The following TMEM71 variants were observed in gnomAD, a reference collection of about 807,000 sequenced individuals.
The protein encoded by TMEM71 is transmembrane protein 71.
Under a neutral mutation model 38.0 loss-of-function variants are expected in TMEM71, and 44 were observed. The ratio of observed to expected loss-of-function variants is 1.16; its 90% CI spans 0.91 to 1.49. The LOEUF (loss-of-function observed/expected upper bound fraction) is 1.49, where lower values mean the gene tolerates loss of function less well. Ranked by LOEUF, TMEM71 falls within the 40% of genes most tolerant of loss-of-function variation. TMEM71 has a pLI of 0.00. For missense variants in TMEM71, 367 were observed against 348.6 expected, an observed-to-expected ratio of 1.05 and a Z score of -0.42; for synonymous variants, 133 against 122.5, an observed-to-expected ratio of 1.09 and a Z score of -0.56.
chr8:132,730,670 T>C (rs987669150), intron 5 of TMEM71, among the ~76,000 whole-genome samples: 1 of 152,214 alleles, frequency 6.6e-6, no homozygotes, highest in Non-Finnish European at 1.5e-5. Flanking sequence ...GGTTATTTTA[T>C]ACCCATAGTA....
chr8:132,758,623 ATT>A (rs11314346), intron 2 of TMEM71: 125 of 450,694 alleles, frequency 2.8e-4, no homozygotes, highest in South Asian at 2.7e-4. Flanking sequence ...AAAAACGGTG[ATT>A]TTTTTTTTTC....
chr8:132,713,537 C>A (rs1029845644), intron 9 of TMEM71, among the ~76,000 whole-genome samples: 1 of 152,086 alleles, frequency 6.6e-6, no homozygotes, highest in Non-Finnish European at 1.5e-5. Flanking sequence ...CAACCAGACC[C>A]CAGTAACCCT....
rs1382050120 is a variant in TMEM71 at position 132,710,774 on chromosome 8, T to C, written c.*193A>G. ...AAGGGAAGGCAAATTAATATTATTT[T>C]CATGAGCATATTATAATTTTGATGG... On this transcript the variant is annotated 3_prime_UTR_variant, in exon 10 of 10. Coordinates refer to ENST00000677595, the MANE Select transcript of TMEM71 (RefSeq NM_001382403.1). 4.4e-5 allele frequency: 27 copies of C among 609,550 alleles called. No individual in the cohort carries two copies. The highest frequency in any genetic ancestry group is 7.0e-5 in the Non-Finnish European group (24 of 340,834). The allele number at this position is 609,550 out of a possible 1,614,324, so 37.8% of individuals were successfully genotyped here.
chr8:132,766,795 ATAAAAAT>A, the TMEM71 span, among the ~76,000 whole-genome samples: 8 of 77,672 alleles, frequency 1.0e-4, no homozygotes, highest in African/African-American at 2.6e-4. Flanking sequence ...AAAAAAAAAA[ATAAAAAT>A]AAAAAAGATG....
At chr8:132,726,486 T>C (rs1356366498) in intron 6 of TMEM71, among the ~76,000 whole-genome samples, 1 of 152,224 alleles carries the variant, frequency 6.6e-6, no homozygotes, top group East Asian at 1.9e-4. Flanking sequence ...CATAGTATGC[T>C]AAGTACTTTA....
At chr8:132,726,738 T>C (rs1827162390) in intron 6 of TMEM71, among the ~76,000 whole-genome samples, 3 of 152,258 alleles carry the variant, frequency 2.0e-5, no homozygotes, top group Non-Finnish European at 4.4e-5. Flanking sequence ...TTGTTGAATT[T>C]ATTACAGCTT....
intron 7 of TMEM71, 143 bp from the exon 8 acceptor site, chr8:132,714,358 C>T: frequency 1.5e-6 from 1 of 672,200 alleles, no homozygotes; most frequent in Admixed American, 2.5e-5. Flanking sequence ...GGAAAATGGA[C>T]AGACATACAG....
chr8:132,739,187 C>T (rs941601475), intron 5 of TMEM71, among the ~76,000 whole-genome samples: 3 of 152,216 alleles, frequency 2.0e-5, no homozygotes, highest in African/African-American at 7.2e-5. Flanking sequence ...CTCTTTCGGC[C>T]TGCACTATGA....
chr8:132,731,250 T>C (rs896972248), intron 5 of TMEM71, among the ~76,000 whole-genome samples: 5 of 152,122 alleles, frequency 3.3e-5, no homozygotes, highest in Non-Finnish European at 5.9e-5. Context: ...TTATAATAGA[T>C]ATAGACCCTA....
the TMEM71 span, among the ~76,000 whole-genome samples, chr8:132,773,690 T>C: frequency 6.6e-6 from 1 of 152,200 alleles, no homozygotes. Context: ...ATTTTGAACA[T>C]CATTAGCAAC....
intron 5 of TMEM71, among the ~76,000 whole-genome samples, chr8:132,733,163 T>TG (rs1222465666): frequency 2.6e-5 from 4 of 152,206 alleles, no homozygotes; most frequent in African/African-American, 9.7e-5. Context: ...TGTGTGTGTG[T>TG]TTTTTTGTTG....
intron 2 of TMEM71, chr8:132,758,507 A>C (rs918808360): frequency 3.1e-5 from 7 of 227,140 alleles, no homozygotes; most frequent in East Asian, 1.1e-4. Context: ...TATTTTCTGC[A>C]AGTAGCTATC....
At chr8:132,769,693 T>A in the TMEM71 span, among the ~76,000 whole-genome samples, 1 of 152,208 alleles carries the variant, frequency 6.6e-6, no homozygotes, top group Admixed American at 6.5e-5. Flanking sequence ...GGCAGCCAAC[T>A]GCAAACCAGG....
intron 5 of TMEM71, among the ~76,000 whole-genome samples, chr8:132,745,027 T>C (rs1828258565): frequency 6.6e-6 from 1 of 152,126 alleles, no homozygotes; most frequent in African/African-American, 2.4e-5. Flanking sequence ...TAACTCAAGA[T>C]GGATTAAAGA....
At chr8:132,754,511 A>ATTG (rs1182218992) in intron 3 of TMEM71, among the ~76,000 whole-genome samples, 2 of 151,908 alleles carry the variant, frequency 1.3e-5, no homozygotes, top group African/African-American at 4.8e-5. Context: ...TGTTGTTGTT[A>ATTG]TTGTTGTTGT....
intron 5 of TMEM71, among the ~76,000 whole-genome samples, chr8:132,736,905 A>G (rs534677681): frequency 6.6e-6 from 1 of 152,172 alleles, no homozygotes. Flanking sequence ...TAAGTATACG[A>G]GGTGATGGAT....
At chr8:132,738,298 C>T (rs1322586809) in intron 5 of TMEM71, among the ~76,000 whole-genome samples, 1 of 152,216 alleles carries the variant, frequency 6.6e-6, no homozygotes, top group Non-Finnish European at 1.5e-5. Context: ...CACTCTACCA[C>T]ACTATCTTCC....
chr8:132,756,682 G>A (rs1829036645), intron 3 of TMEM71, among the ~76,000 whole-genome samples: 1 of 151,468 alleles, frequency 6.6e-6, no homozygotes, highest in African/African-American at 2.4e-5. Context: ...TGCCTCCCAG[G>A]TTCAAGTGAT....
At chr8:132,768,395 C>T in the TMEM71 span, among the ~76,000 whole-genome samples, 1 of 152,024 alleles carries the variant, frequency 6.6e-6, no homozygotes, top group African/African-American at 2.4e-5. Flanking sequence ...TCTGTAATCC[C>T]AGCACTTTGG....
Sources: gnomAD v4.1 joint callset for allele counts (sites outside exome capture counted in the v4.1 genomes callset) on GRCh38, gnomAD v4.1.1 for gene constraint, MANE v1.5 for transcripts, NCBI Gene and HGNC (gene_info 2026-07-23, HGNC 2026-07-21) for gene names.